Variants in CDH4 observed in about 807,000 individuals in gnomAD.
CDH4 encodes cadherin-4.
In CDH4, 33 loss-of-function variants were observed where a neutral mutation model predicts 86.0. That is an observed-to-expected ratio of 0.38 (90% CI 0.29 to 0.51). The LOEUF (loss-of-function observed/expected upper bound fraction) is 0.51. Among genes scored for constraint, CDH4 ranks in the 20% least tolerant of loss-of-function variants. CDH4 has a pLI of 0.86. For missense variants in CDH4, 1,114 were observed against 1,307.4 expected, an observed-to-expected ratio of 0.85 and a Z score of 2.28; for synonymous variants, 555 against 549.4, an observed-to-expected ratio of 1.01 and a Z score of -0.14.
chr20:61,741,827 C>T (rs763997111), intron 2 of CDH4, among the ~76,000 whole-genome samples: 4 of 152,118 alleles, frequency 2.6e-5, no homozygotes, highest in Non-Finnish European at 2.9e-5. Context: ...CAGGAGCCAC[C>T]GCGCCCAGCC....
intron 2 of CDH4, among the ~76,000 whole-genome samples, chr20:61,272,111 C>CA (rs1314123179): frequency 1.3e-5 from 2 of 152,164 alleles, no homozygotes; most frequent in Non-Finnish European, 2.9e-5. Flanking sequence ...TTTTTCATGC[C>CA]AGGCCTCCTC....
chr20:61,401,181 C>T (rs2085047616), intron 2 of CDH4, among the ~76,000 whole-genome samples: 1 of 152,184 alleles, frequency 6.6e-6, no homozygotes, highest in African/African-American at 2.4e-5. Context: ...CCACTGTCAC[C>T]CAGATAAACC....
At chr20:61,683,834 A>G (rs2087545840) in intron 2 of CDH4, among the ~76,000 whole-genome samples, 1 of 152,180 alleles carries the variant, frequency 6.6e-6, no homozygotes, top group Non-Finnish European at 1.5e-5. Flanking sequence ...CTGTTCTTGT[A>G]CAAGCCTGTG....
At chr20:61,618,650 C>T (rs1167608127) in intron 2 of CDH4, among the ~76,000 whole-genome samples, 1 of 152,190 alleles carries the variant, frequency 6.6e-6, no homozygotes, top group East Asian at 1.9e-4. Flanking sequence ...TTCAGCGGTG[C>T]TGGGCAGATG....
chr20:61,400,138 C>T (rs2085041853), intron 2 of CDH4, among the ~76,000 whole-genome samples: 1 of 152,206 alleles, frequency 6.6e-6, no homozygotes, highest in South Asian at 2.1e-4. Context: ...CTGACTGTCA[C>T]AGCTCTGATG....
intron 6 of CDH4, among the ~76,000 whole-genome samples, chr20:61,862,680 C>T (rs1983380880): frequency 6.6e-6 from 1 of 152,228 alleles, no homozygotes; most frequent in Admixed American, 6.5e-5. Flanking sequence ...CTCACCCAGG[C>T]TCTCAGCATT....
intron 2 of CDH4, among the ~76,000 whole-genome samples, chr20:61,284,741 C>T (rs531345986): frequency 4.4e-4 from 67 of 152,282 alleles, no homozygotes; most frequent in Non-Finnish European, 8.4e-4. Context: ...GCCCCCAATG[C>T]AATGTTTTTG....
intron 2 of CDH4, among the ~76,000 whole-genome samples, chr20:61,274,978 TG>T (rs2084218963): frequency 7.1e-6 from 1 of 140,682 alleles, no homozygotes; most frequent in Admixed American, 7.5e-5. Context: ...ATATGCAGTT[TG>T]GGGGAGTACT....
intron 2 of CDH4, among the ~76,000 whole-genome samples, chr20:61,311,178 T>C (rs2084443644): frequency 1.3e-5 from 2 of 152,022 alleles, no homozygotes; most frequent in Non-Finnish European, 2.9e-5. Flanking sequence ...CGTTTAAAAT[T>C]AGCTCATTAA....
At chr20:61,727,718 C>T (rs889233660) in intron 2 of CDH4, among the ~76,000 whole-genome samples, 2 of 152,150 alleles carry the variant, frequency 1.3e-5, no homozygotes, top group South Asian at 2.1e-4. Flanking sequence ...AGGTGCCAGG[C>T]TCATTTCAAC....
intron 2 of CDH4, among the ~76,000 whole-genome samples, chr20:61,508,856 G>A (rs532138028): frequency 2.0e-5 from 3 of 152,340 alleles, no homozygotes; most frequent in African/African-American, 7.2e-5. Context: ...GGCAAGGAGG[G>A]CTTGGGCTGG....
chr20:61,651,814 A>G (rs1194964458), intron 2 of CDH4, among the ~76,000 whole-genome samples: 3 of 152,246 alleles, frequency 2.0e-5, no homozygotes, highest in African/African-American at 4.8e-5. Context: ...AATTGTTTAA[A>G]AAATGGCATT....
chr20:61,307,678 T>C (rs2084424589), intron 2 of CDH4, among the ~76,000 whole-genome samples: 4 of 152,206 alleles, frequency 2.6e-5, no homozygotes, highest in Non-Finnish European at 5.9e-5. Context: ...TTGGGGAAAC[T>C]ACATCAGGAA....
intron 2 of CDH4, among the ~76,000 whole-genome samples, chr20:61,425,330 C>T (rs73316395): frequency 0.092 from 14,013 of 152,042 alleles, 924 homozygotes; most frequent in African/African-American, 0.18. Flanking sequence ...GAGCCACCCT[C>T]GACACTAGGA....
intron 2 of CDH4, among the ~76,000 whole-genome samples, chr20:61,740,139 G>A (rs1209610465): frequency 6.6e-6 from 1 of 152,228 alleles, no homozygotes; most frequent in Non-Finnish European, 1.5e-5. Flanking sequence ...AACGTGCTGA[G>A]GTTAGTAAAT....
chr20:61,488,536 CT>C (rs2085608595), intron 2 of CDH4, among the ~76,000 whole-genome samples: 2 of 152,030 alleles, frequency 1.3e-5, no homozygotes. Context: ...GCTGATTTGT[CT>C]TAAATTGCAG....
At chr20:61,297,334 A>G (rs1012709426) in intron 2 of CDH4, among the ~76,000 whole-genome samples, 1 of 152,190 alleles carries the variant, frequency 6.6e-6, no homozygotes, top group Non-Finnish European at 1.5e-5. Context: ...TGCAATGAGG[A>G]GCCGAGATCG....
chr20:61,934,730 ACCCCACC>A (rs201475865), intron 15 of CDH4, among the ~76,000 whole-genome samples: 1,520 of 75,502 alleles, frequency 0.02, 36 homozygotes, highest in East Asian at 0.16. Context: ...CCCCCTCCCC[ACCCCACC>A]CCACACCCCA....
chr20:61,736,318 C>T (rs1243170001), intron 2 of CDH4, among the ~76,000 whole-genome samples: 2 of 152,192 alleles, frequency 1.3e-5, no homozygotes, highest in Non-Finnish European at 2.9e-5. Context: ...GCCATCAGCA[C>T]TACCAGGAAT....
Sources: allele counts gnomAD v4.1 joint callset (sites outside exome capture counted in the v4.1 genomes callset), GRCh38; gene constraint gnomAD v4.1.1; transcripts MANE v1.5; gene names NCBI Gene and HGNC (gene_info 2026-07-23, HGNC 2026-07-21).